The following CMSS1 variants were observed in gnomAD, a reference collection of about 807,000 sequenced individuals.
The protein encoded by CMSS1 is cms1 ribosomal small subunit homolog.
CMSS1 carries 33 observed loss-of-function variants against 43.5 expected under a neutral mutation model. The ratio of observed to expected loss-of-function variants is 0.76; its 90% CI spans 0.57 to 1.01. CMSS1 has a LOEUF of 1.01. Among genes scored for constraint, CMSS1 ranks in the 50% least tolerant of loss-of-function variants. CMSS1 has a pLI of 0.00. For synonymous variants in CMSS1, 115 were observed against 117.2 expected (o/e 0.98, Z 0.12); for missense variants, 313 against 326.4 (o/e 0.96, Z 0.32).
chr3:100,006,412 TATC>T (rs1241426729), intron 1 of CMSS1, among the ~76,000 whole-genome samples: 2 of 152,240 alleles, frequency 1.3e-5, no homozygotes, highest in Non-Finnish European at 2.9e-5. Context: ...TCCCCATAAT[TATC>T]ATAACTATTA....
At chr3:100,046,536 C>T (rs2065281897) in intron 1 of CMSS1, among the ~76,000 whole-genome samples, 1 of 151,898 alleles carries the variant, frequency 6.6e-6, no homozygotes, top group Non-Finnish European at 1.5e-5. Context: ...CCCAACTCCC[C>T]CCAGGATTTG....
chr3:100,161,241 A>C lies in CMSS1; in HGVS notation c.225+740A>C, dbSNP rs532093642. ...TTACTTAACAGCAAGCTTTTAGAAA[A>C]CTGAGAGTGTGTGTGCATATGTTTT... On this transcript the variant is annotated intron_variant, in intron 3 of 9. Coordinates refer to ENST00000421999, the MANE Select transcript of CMSS1 (RefSeq NM_032359.4). Among the ~76,000 whole-genome samples, 16 of 152,328 alleles carry C rather than the reference A, an allele frequency of 1.1e-4. No individual in the cohort carries two copies. In the South Asian group the frequency reaches 3.1e-3, roughly 30 times the overall value.
chr3:99,958,558 CG>C (rs1271555426), intron 1 of CMSS1, among the ~76,000 whole-genome samples: 1 of 152,076 alleles, frequency 6.6e-6, no homozygotes, highest in Non-Finnish European at 1.5e-5. Context: ...AGGAATTCCA[CG>C]GGGAAATGGT....
chr3:100,056,767 A>G (rs1407542355), intron 1 of CMSS1, among the ~76,000 whole-genome samples: 1 of 152,016 alleles, frequency 6.6e-6, no homozygotes, highest in African/African-American at 2.4e-5. Context: ...TGGGAGGCCA[A>G]GGCAGGCCGG....
At chr3:100,170,614 C>T (rs76265506) in intron 6 of CMSS1, among the ~76,000 whole-genome samples, 79 of 152,340 alleles carry the variant, frequency 5.2e-4, no homozygotes, top group African/African-American at 1.8e-3. Context: ...GTGACAGCAG[C>T]ATTCTCAGTA....
chr3:99,883,451 T>G (rs1705794767), intron 1 of CMSS1, among the ~76,000 whole-genome samples: 1 of 152,352 alleles, frequency 6.6e-6, no homozygotes, highest in East Asian at 1.9e-4. Context: ...ATGAACAGAT[T>G]ATTTCATCAT....
At chr3:100,029,644 T>G (rs561680180) in intron 1 of CMSS1, among the ~76,000 whole-genome samples, 1 of 152,332 alleles carries the variant, frequency 6.6e-6, no homozygotes, top group South Asian at 2.1e-4. Context: ...CTGAGCAGTT[T>G]ACTGACATTC....
At chr3:100,027,399 A>C (rs899436865) in intron 1 of CMSS1, among the ~76,000 whole-genome samples, 1 of 152,022 alleles carries the variant, frequency 6.6e-6, no homozygotes, top group African/African-American at 2.4e-5. Flanking sequence ...GCCAAATAAA[A>C]CTCTTCAATA....
chr3:99,924,315 C>T, intron 1 of CMSS1: 1 of 1,614,018 alleles, frequency 6.2e-7, no homozygotes, highest in Non-Finnish European at 8.5e-7. Context: ...TCCTCCAACT[C>T]CAATATGGTT....
chr3:100,148,421 G>A (rs1423577836), intron 2 of CMSS1, among the ~76,000 whole-genome samples: 5 of 152,142 alleles, frequency 3.3e-5, no homozygotes, highest in Non-Finnish European at 5.9e-5. Context: ...CCAATCCAAA[G>A]TTACTATATT....
At chr3:99,988,259 A>G (rs1709405369) in intron 1 of CMSS1, among the ~76,000 whole-genome samples, 2 of 149,870 alleles carry the variant, frequency 1.3e-5, no homozygotes, top group South Asian at 4.2e-4. Context: ...GCACTTTGGG[A>G]GGCCTAGGCA....
intron 1 of CMSS1, chr3:99,850,282 A>G: frequency 6.2e-7 from 1 of 1,613,850 alleles, no homozygotes; most frequent in South Asian, 1.1e-5. Context: ...CCTTACTTTT[A>G]AACTCTCCAG....
chr3:99,961,539 C>T (rs527736030), intron 1 of CMSS1, among the ~76,000 whole-genome samples: 4 of 152,210 alleles, frequency 2.6e-5, no homozygotes, highest in East Asian at 1.9e-4. Context: ...CATCCAGTGA[C>T]GTGCAGCTGA....
intron 1 of CMSS1, among the ~76,000 whole-genome samples, chr3:99,906,563 G>A (rs1706624852): frequency 6.6e-6 from 1 of 152,090 alleles, no homozygotes. Context: ...TATGATTGGT[G>A]ACTTTATGTT....
intron 1 of CMSS1, among the ~76,000 whole-genome samples, chr3:99,914,692 T>A (rs1449171117): frequency 6.6e-6 from 1 of 152,256 alleles, no homozygotes; most frequent in African/African-American, 2.4e-5. Flanking sequence ...TCATAACTTT[T>A]GACTTAGCAA....
intron 1 of CMSS1, among the ~76,000 whole-genome samples, chr3:100,110,672 A>G (rs2066475721): frequency 6.6e-6 from 1 of 151,982 alleles, no homozygotes; most frequent in African/African-American, 2.4e-5. Flanking sequence ...CATCAGAAAA[A>G]CCTTCTCCAT....
chr3:99,931,112 A>G, intron 1 of CMSS1: 1 of 1,161,834 alleles, frequency 8.6e-7, no homozygotes, highest in South Asian at 1.5e-5. Flanking sequence ...TAACAAGTCT[A>G]CATTCTTGTT....
chr3:100,067,206 G>C (rs1404200760), intron 1 of CMSS1, among the ~76,000 whole-genome samples: 1 of 148,192 alleles, frequency 6.7e-6, no homozygotes, highest in Non-Finnish European at 1.5e-5. Context: ...TTTTAAATAG[G>C]GAAATTTTAG....
At chr3:100,052,716 A>C (rs573151904) in intron 1 of CMSS1, among the ~76,000 whole-genome samples, 1 of 152,364 alleles carries the variant, frequency 6.6e-6, no homozygotes, top group South Asian at 2.1e-4. Flanking sequence ...CTAAAATTTT[A>C]CAAAGGCAAG....
Sources: gnomAD v4.1 joint callset for allele counts (sites outside exome capture counted in the v4.1 genomes callset) on GRCh38, gnomAD v4.1.1 for gene constraint, MANE v1.5 for transcripts, NCBI Gene and HGNC (gene_info 2026-07-23, HGNC 2026-07-21) for gene names.